Variants in SPIDR observed in about 807,000 individuals in gnomAD.
SPIDR encodes the protein scaffold protein involved in DNA repair.
A neutral mutation model predicts 104.6 loss-of-function variants in SPIDR; 93 were observed. That is an observed-to-expected ratio of 0.89 (90% CI 0.75 to 1.06). The LOEUF (loss-of-function observed/expected upper bound fraction) is 1.06, where lower values mean the gene tolerates loss of function less well. Among genes scored for constraint, SPIDR ranks in the 50% least tolerant of loss-of-function variants. The probability of loss-of-function intolerance (pLI) is 0.00; values close to 1 mark genes in which losing one functional copy is unlikely to be tolerated. For synonymous variants in SPIDR, 431 were observed against 416.9 expected, an observed-to-expected ratio of 1.03 and a Z score of -0.41; for missense variants, 1,154 against 1,111.2, an observed-to-expected ratio of 1.04 and a Z score of -0.55.
At position 47,508,611 on chromosome 8, in the gene SPIDR, T is replaced by C. The variant is rs74955042; in HGVS notation, c.1097+68069T>C. Among the ~76,000 whole-genome samples the C allele has an allele frequency of 9.2e-3, 1,397 of 152,284 alleles. 22 individuals are homozygous for C. The highest frequency in any genetic ancestry group is 0.031 in the African/African-American group (1,300 of 41,542). ...GGCAGGGAAGAGAAGTTCAGAAGCT[T>C]TTCTTGAGCCCCTCGAATTCTAACA... On this transcript the variant is annotated intron_variant, in intron 8 of 19. Transcript: ENST00000297423.
chr8:47,563,603 G>C (rs1373610514), intron 8 of SPIDR, among the ~76,000 whole-genome samples: 1 of 152,164 alleles, frequency 6.6e-6, no homozygotes, highest in Non-Finnish European at 1.5e-5. Flanking sequence ...TCACATGCGA[G>C]GATAAGCCTG....
intron 10 of SPIDR, among the ~76,000 whole-genome samples, chr8:47,624,653 C>A (rs564268473): frequency 6.6e-6 from 1 of 152,252 alleles, no homozygotes; most frequent in East Asian, 1.9e-4. Context: ...TGGATACATT[C>A]CTCGACACAT....
chr8:47,600,473 G>C (rs1194716625), intron 10 of SPIDR, among the ~76,000 whole-genome samples: 1 of 152,190 alleles, frequency 6.6e-6, no homozygotes, highest in Admixed American at 6.5e-5. Context: ...CACTTTATTT[G>C]AAAATACTAT....
intron 10 of SPIDR, among the ~76,000 whole-genome samples, chr8:47,636,546 C>T (rs548550425): frequency 2.6e-5 from 4 of 152,250 alleles, no homozygotes; most frequent in African/African-American, 4.8e-5. Flanking sequence ...GTTGGCCAGG[C>T]GCGGTGGCTC....
chr8:47,285,652 T>C (rs1294578453), intron 3 of SPIDR, among the ~76,000 whole-genome samples: 2 of 152,236 alleles, frequency 1.3e-5, no homozygotes, highest in African/African-American at 4.8e-5. Flanking sequence ...CATTGTCTTC[T>C]CTGTGCATGT....
At chr8:47,466,719 G>A (rs1554717191) in intron 8 of SPIDR, among the ~76,000 whole-genome samples, 1 of 146,320 alleles carries the variant, frequency 6.8e-6, no homozygotes, top group African/African-American at 2.7e-5. Flanking sequence ...AAAAAAAAAA[G>A]TTAGATTCCA....
intron 5 of SPIDR, among the ~76,000 whole-genome samples, chr8:47,303,056 A>G (rs2154249407): frequency 6.6e-6 from 1 of 152,310 alleles, no homozygotes; most frequent in East Asian, 1.9e-4. Context: ...GAGTCTACAG[A>G]GGCAGGCAGG....
At chr8:47,304,303 G>T in intron 5 of SPIDR, among the ~76,000 whole-genome samples, 1 of 152,226 alleles carries the variant, frequency 6.6e-6, no homozygotes, top group African/African-American at 2.4e-5. Flanking sequence ...TCTCATGAAT[G>T]GTTTAGCACC....
At chr8:47,392,881 C>A (rs1200208098) in intron 5 of SPIDR, among the ~76,000 whole-genome samples, 1 of 152,216 alleles carries the variant, frequency 6.6e-6, no homozygotes, top group Non-Finnish European at 1.5e-5. Flanking sequence ...ACCAAGGTCC[C>A]ATGGATTTAT....
At chr8:47,334,799 T>G (rs1180682219) in intron 5 of SPIDR, among the ~76,000 whole-genome samples, 2 of 152,190 alleles carry the variant, frequency 1.3e-5, no homozygotes, top group Non-Finnish European at 2.9e-5. Flanking sequence ...GTTACTGGTT[T>G]CTATTTGTTG....
chr8:47,539,991 G>A (rs2087786268), intron 8 of SPIDR, among the ~76,000 whole-genome samples: 1 of 152,128 alleles, frequency 6.6e-6, no homozygotes, highest in Non-Finnish European at 1.5e-5. Context: ...CAGCAAATAA[G>A]AGGAAAAGGG....
chr8:47,313,807 A>G (rs1245745476), intron 5 of SPIDR, among the ~76,000 whole-genome samples: 1 of 152,196 alleles, frequency 6.6e-6, no homozygotes, highest in Non-Finnish European at 1.5e-5. Flanking sequence ...CTTATCAGAA[A>G]TAATGCAGGC....
At chr8:47,432,724 A>T (rs560039601) in intron 7 of SPIDR, among the ~76,000 whole-genome samples, 1 of 152,314 alleles carries the variant, frequency 6.6e-6, no homozygotes, top group Admixed American at 6.5e-5. Context: ...CTTGTCATAG[A>T]AATAATTTTA....
At chr8:47,506,288 A>T (rs1203405390) in intron 8 of SPIDR, among the ~76,000 whole-genome samples, 1 of 152,178 alleles carries the variant, frequency 6.6e-6, no homozygotes, top group Non-Finnish European at 1.5e-5. Flanking sequence ...AACCCCCCTT[A>T]CATTTCCAAA....
chr8:47,319,370 G>A lies in SPIDR; in HGVS notation c.525+25340G>A, dbSNP rs192165193. The stretch of plus-strand genomic sequence containing the variant: ...AGCAGGCCATTATGTAATGGTAAAG[G>A]GATCAATTCAACAAGAAGAGCTAGC... On this transcript the variant is annotated intron_variant, in intron 5 of 19. Coordinates refer to ENST00000297423, the MANE Select transcript of SPIDR (RefSeq NM_001080394.4). 4.6e-5 allele frequency among the ~76,000 whole-genome samples: 7 copies of A among 152,238 alleles called. No homozygotes were observed. In the East Asian group the frequency reaches 1.3e-3, roughly 29 times the overall value.
At chr8:47,692,487 C>CTT (rs1171012398) in intron 11 of SPIDR, among the ~76,000 whole-genome samples, 149 of 119,286 alleles carry the variant, frequency 1.2e-3, no homozygotes, top group Non-Finnish European at 1.5e-3. Flanking sequence ...TCAGAATTTC[C>CTT]TTTTTTTTTT....
intron 16 of SPIDR, among the ~76,000 whole-genome samples, chr8:47,719,810 C>T (rs1221241755): frequency 4.6e-5 from 7 of 152,110 alleles, no homozygotes; most frequent in East Asian, 3.9e-4. Context: ...ACAGTCAACC[C>T]GCACTCAAGG....
intron 7 of SPIDR, among the ~76,000 whole-genome samples, chr8:47,410,721 C>T (rs191265609): frequency 4.9e-4 from 74 of 152,080 alleles, no homozygotes; most frequent in Non-Finnish European, 2.9e-5. Flanking sequence ...AGGTTTCTTA[C>T]ATATGTATAT....
At chr8:47,556,079 A>G (rs1366827703) in intron 8 of SPIDR, among the ~76,000 whole-genome samples, 3 of 152,030 alleles carry the variant, frequency 2.0e-5, no homozygotes, top group Admixed American at 6.6e-5. Flanking sequence ...GGCCATACCA[A>G]CTCCTGTTAC....
Sources: gnomAD v4.1 joint callset for allele counts (sites outside exome capture counted in the v4.1 genomes callset) on GRCh38, gnomAD v4.1.1 for gene constraint, MANE v1.5 for transcripts, NCBI Gene and HGNC (gene_info 2026-07-23, HGNC 2026-07-21) for gene names.